Variants in GDPD5 observed in about 807,000 individuals in gnomAD.
GDPD5 encodes glycerophosphodiester phosphodiesterase 2.
GDPD5 carries 48 observed loss-of-function variants against 75.1 expected under a neutral mutation model. The ratio of observed to expected loss-of-function variants is 0.64; its 90% CI spans 0.51 to 0.81. GDPD5 has a LOEUF of 0.81. Ranked by LOEUF, GDPD5 falls within the 40% of genes least tolerant of loss-of-function variation. The pLI, the probability that GDPD5 is intolerant of heterozygous loss-of-function variation, is 0.00. For missense variants in GDPD5, 706 were observed against 822.6 expected (o/e 0.86, Z 1.73); for synonymous variants, 336 against 339.0 (o/e 0.99, Z 0.10).
At position 75,462,773 on chromosome 11, in the gene GDPD5, T is replaced by C. The variant is rs1949441846; in HGVS notation, c.221+13A>G. ...CTGGGCCCCTTCCTCCCCCACCCAC[T>C]GCCCCTACTCACCAGTTGAATTCAT... On this transcript the variant is annotated intron_variant, in intron 4 of 16. Coordinates refer to ENST00000336898, the MANE Select transcript of GDPD5 (RefSeq NM_030792.8). The C allele has an allele frequency of 7.2e-7, 1 of 1,389,168 alleles. No individual in the cohort carries two copies. The highest frequency in any genetic ancestry group is 1.8e-5 in the Admixed American group (1 of 56,080). The allele number at this position is 1,389,168 out of a possible 1,614,324, so 86.1% of individuals were successfully genotyped here.
chr11:75,441,561 T>TGTG, intron 13 of GDPD5, 85 bp downstream of exon 13: 1 of 1,256,604 alleles, frequency 8.0e-7, no homozygotes, highest in South Asian at 1.4e-5. Context: ...TGTGTGTGTG[T>TGTG]GTGTGTGTTG....
intron 16 of GDPD5, 129 bp from the exon 17 acceptor site, chr11:75,435,784 G>A (rs555230091): frequency 3.3e-6 from 3 of 895,940 alleles, no homozygotes; most frequent in African/African-American, 3.3e-5. Flanking sequence ...CTGGGCTCAG[G>A]TCGACATTGA....
At chr11:75,449,864 T>C in intron 7 of GDPD5, 21 bp downstream of exon 7, 2 of 1,598,032 alleles carry the variant, frequency 1.3e-6, no homozygotes, top group Non-Finnish European at 1.7e-6. Flanking sequence ...GTGAGGGTCC[T>C]GGGGGACCCT....
intron 2 of GDPD5, among the ~76,000 whole-genome samples, chr11:75,484,414 G>A (rs764821340): frequency 2.0e-5 from 3 of 152,168 alleles, no homozygotes; most frequent in African/African-American, 2.4e-5. Flanking sequence ...CTACCCAGGC[G>A]TGGGTCTCCA....
intron 1 of GDPD5, among the ~76,000 whole-genome samples, chr11:75,513,684 G>A (rs1334950541): frequency 3.3e-5 from 5 of 152,188 alleles, no homozygotes; most frequent in South Asian, 2.1e-4. Context: ...TGGGTTCCTC[G>A]CTCTCAACCT....
rs779575055 is a variant in GDPD5 at position 75,477,647 on chromosome 11, T to A, written c.89A>T (p.Tyr30Phe). The A allele has an allele frequency of 6.3e-7, 1 of 1,598,696 alleles. No homozygotes were observed. Among genetic ancestry groups the A allele is most frequent in the Admixed American group, 1.7e-5 (1 of 59,476 alleles). Residue 30 changes from tyrosine to phenylalanine, a missense_variant, in exon 3 of 17, where the codon TAC becomes TTC. Transcript: ENST00000336898. ...TGIYGCRWKR[Y>F]QRSHDDTTPW... ...TGTGGTATCATCATGGGAGCGCTGG[T>A]AGCGCTTCCAACGGCAGCCGTAGAT...
intron 1 of GDPD5, among the ~76,000 whole-genome samples, chr11:75,507,832 C>T (rs771413856): frequency 6.6e-5 from 10 of 152,232 alleles, no homozygotes; most frequent in Non-Finnish European, 1.3e-4. Context: ...TCAGGCTCTA[C>T]ACACGCATTG....
At chr11:75,507,268 C>T (rs2135472327) in intron 1 of GDPD5, among the ~76,000 whole-genome samples, 1 of 152,324 alleles carries the variant, frequency 6.6e-6, no homozygotes, top group East Asian at 1.9e-4. Context: ...AGGTCACAGG[C>T]CAGAAAGTGC....
intron 3 of GDPD5, among the ~76,000 whole-genome samples, chr11:75,470,054 C>T (rs1231407682): frequency 6.6e-6 from 1 of 152,164 alleles, no homozygotes; most frequent in Admixed American, 6.5e-5. Flanking sequence ...GAGCTCAGAG[C>T]CCGGATCCTT....
At chr11:75,471,318 T>C (rs948924874) in intron 3 of GDPD5, among the ~76,000 whole-genome samples, 1 of 152,144 alleles carries the variant, frequency 6.6e-6, no homozygotes, top group African/African-American at 2.4e-5. Context: ...ATTGCAGCAT[T>C]AGGGCCGAGC....
chr11:75,446,461 G>T (rs1288567438), intron 9 of GDPD5, among the ~76,000 whole-genome samples: 1 of 152,154 alleles, frequency 6.6e-6, no homozygotes, highest in Non-Finnish European at 1.5e-5. Context: ...GTGTGCATAG[G>T]GGGGTGGTGG....
At chr11:75,441,930 C>T (rs948596540) in intron 12 of GDPD5, 127 bp from the exon 13 acceptor site, 2 of 953,666 alleles carry the variant, frequency 2.1e-6, no homozygotes, top group East Asian at 2.6e-5. Context: ...TAGATGAAGT[C>T]ATTAGCAGGG....
At chr11:75,457,620 T>A in intron 5 of GDPD5, 73 bp downstream of exon 5, 1 of 1,255,446 alleles carries the variant, frequency 8.0e-7, no homozygotes, top group Non-Finnish European at 1.2e-6. Context: ...GGACCCTCCA[T>A]CAGCCCAGCA....
chr11:75,507,933 C>G (rs1452657063), intron 1 of GDPD5, among the ~76,000 whole-genome samples: 1 of 152,138 alleles, frequency 6.6e-6, no homozygotes, highest in African/African-American at 2.4e-5. Flanking sequence ...CATCCCCCAA[C>G]ACCCACCCCC....
Position 75,467,223 on chromosome 11 carries a change from T to G in GDPD5, c.118-4334A>C, listed in dbSNP as rs561055572. On this transcript the variant is annotated intron_variant, in intron 3 of 16. Coordinates refer to ENST00000336898, the MANE Select transcript of GDPD5 (RefSeq NM_030792.8). Reference sequence around the variant, plus strand: ...CACTCAGCACGTCACTTGGCCCCTCTGAGCCTCGGTCTCCTCGTTGTAAAT... The same window carrying G: ...CACTCAGCACGTCACTTGGCCCCTCGGAGCCTCGGTCTCCTCGTTGTAAAT... 2.6e-5 allele frequency among the ~76,000 whole-genome samples: 4 copies of G among 152,318 alleles called. No individual in the cohort carries two copies. In the South Asian group the frequency reaches 8.3e-4, roughly 32 times the overall value.
intron 3 of GDPD5, among the ~76,000 whole-genome samples, chr11:75,476,580 C>G (rs1949783280): frequency 6.6e-6 from 1 of 152,130 alleles, no homozygotes; most frequent in South Asian, 2.1e-4. Flanking sequence ...TTGGCGTTGC[C>G]AGGGGCCTGC....
At chr11:75,450,310 T>C in intron 6 of GDPD5, 1 of 422,774 alleles carries the variant, frequency 2.4e-6, no homozygotes, top group Non-Finnish European at 4.3e-6. Flanking sequence ...GGGACCTCCC[T>C]GGGCCTGGCA....
At chr11:75,476,322 G>A (rs115500454) in intron 3 of GDPD5, among the ~76,000 whole-genome samples, 3,357 of 151,972 alleles carry the variant, frequency 0.022, 96 homozygotes, top group South Asian at 0.066. Context: ...TGCCAGTCAC[G>A]TTACAGCCCT....
chr11:75,439,365 C>T (rs1216901861), intron 15 of GDPD5: 1 of 456,314 alleles, frequency 2.2e-6, no homozygotes, highest in Admixed American at 2.3e-5. Flanking sequence ...CTGTGAGATG[C>T]CAGAGTGCAG....
Sources: gnomAD v4.1 joint callset for allele counts (sites outside exome capture counted in the v4.1 genomes callset) on GRCh38, gnomAD v4.1.1 for gene constraint, MANE v1.5 for transcripts, NCBI Gene and HGNC (gene_info 2026-07-23, HGNC 2026-07-21) for gene names.